Variants in COL23A1 observed in about 807,000 individuals in gnomAD.
COL23A1 encodes collagen alpha-1(XXIII) chain.
A neutral mutation model predicts 99.3 loss-of-function variants in COL23A1; 97 were observed. That is an observed-to-expected ratio of 0.98 (90% CI 0.83 to 1.16). COL23A1 has a LOEUF of 1.16. Among genes scored for constraint, COL23A1 ranks in the 50% most tolerant of loss-of-function variants. The pLI, the probability that COL23A1 is intolerant of heterozygous loss-of-function variation, is 0.00. For missense variants in COL23A1, 762 were observed against 757.4 expected (o/e 1.01, Z -0.07); for synonymous variants, 320 against 308.2 (o/e 1.04, Z -0.40).
chr5:178,358,615 A>G (rs984040161), intron 2 of COL23A1, among the ~76,000 whole-genome samples: 17 of 107,562 alleles, frequency 1.6e-4, no homozygotes, highest in Admixed American at 2.0e-4. Context: ...GTATGCGTGT[A>G]TGTATGTGTG....
intron 2 of COL23A1, among the ~76,000 whole-genome samples, chr5:178,324,485 C>T (rs1179607976): frequency 6.6e-6 from 1 of 152,104 alleles, no homozygotes; most frequent in African/African-American, 2.4e-5. Flanking sequence ...CTACAATGAC[C>T]ACGACCGCTG....
chr5:178,506,978 C>T (rs563769634), intron 2 of COL23A1, among the ~76,000 whole-genome samples: 4 of 152,248 alleles, frequency 2.6e-5, no homozygotes, highest in Admixed American at 2.0e-4. Context: ...GATTTTTATT[C>T]GTTTTAGTTT....
chr5:178,502,627 G>A (rs1048300144), intron 2 of COL23A1, among the ~76,000 whole-genome samples: 1 of 152,170 alleles, frequency 6.6e-6, no homozygotes, highest in Non-Finnish European at 1.5e-5. Context: ...ATCAAGTGCT[G>A]GAGAGGATGT....
At chr5:178,241,257 G>T (rs1332884881) in intron 27 of COL23A1, among the ~76,000 whole-genome samples, 1 of 152,026 alleles carries the variant, frequency 6.6e-6, no homozygotes, top group Admixed American at 6.5e-5. Flanking sequence ...TTGAACTGTG[G>T]TTGTTTCAGG....
intron 2 of COL23A1, among the ~76,000 whole-genome samples, chr5:178,539,747 A>G (rs911015339): frequency 2.6e-5 from 4 of 152,186 alleles, no homozygotes; most frequent in Non-Finnish European, 4.4e-5. Flanking sequence ...TCCAGAGAAT[A>G]GAAATGGGGT....
chr5:178,286,949 G>A (rs1172058841), intron 5 of COL23A1, among the ~76,000 whole-genome samples: 62 of 152,228 alleles, frequency 4.1e-4, no homozygotes, highest in East Asian at 1.9e-4. Flanking sequence ...AGAGTAACCC[G>A]GGGTGAAGGG....
At chr5:178,323,096 G>A (rs1397305292) in intron 2 of COL23A1, among the ~76,000 whole-genome samples, 1 of 152,098 alleles carries the variant, frequency 6.6e-6, no homozygotes, top group Non-Finnish European at 1.5e-5. Context: ...TCGCAAGTGG[G>A]CAGGGGCCTG....
intron 2 of COL23A1, among the ~76,000 whole-genome samples, chr5:178,334,844 G>A (rs534722772): frequency 2.0e-5 from 3 of 152,318 alleles, no homozygotes; most frequent in East Asian, 3.9e-4. Context: ...AGATGACAGG[G>A]CCCAAAGAGG....
chr5:178,247,671 G>A (rs893736426), intron 21 of COL23A1, 104 bp downstream of exon 21: 7 of 1,548,796 alleles, frequency 4.5e-6, no homozygotes, highest in East Asian at 4.5e-5. Context: ...CTCCCTGAAC[G>A]AAGAAGCCCG....
chr5:178,268,712 G>A lies in COL23A1; in HGVS notation c.495+18C>T, dbSNP rs200139552. 4 of 1,602,606 alleles carry A rather than the reference G, an allele frequency of 2.5e-6. No homozygotes were observed. Among genetic ancestry groups the A allele is most frequent in the East Asian group, 4.5e-5 (2 of 44,514 alleles). ...TTCGCCTGCCTACCACATCTGCACA[G>A]CCTCTGGCATCACTTACCTTTTCCC... On this transcript the variant is annotated intron_variant, in intron 7 of 28. Transcript: ENST00000390654.
chr5:178,443,398 A>G (rs887046409), intron 2 of COL23A1, among the ~76,000 whole-genome samples: 1 of 152,214 alleles, frequency 6.6e-6, no homozygotes, highest in Non-Finnish European at 1.5e-5. Flanking sequence ...CAGAGTTTTC[A>G]AAAGTTACGA....
chr5:178,581,477 A>G (rs1344154489), intron 1 of COL23A1, among the ~76,000 whole-genome samples: 2 of 151,880 alleles, frequency 1.3e-5, no homozygotes, highest in African/African-American at 4.8e-5. Context: ...GAGGCAGGAG[A>G]ATCGCTTGAA....
chr5:178,474,894 C>T (rs973742768), intron 2 of COL23A1, among the ~76,000 whole-genome samples: 4 of 152,232 alleles, frequency 2.6e-5, no homozygotes, highest in Non-Finnish European at 4.4e-5. Context: ...TTCTGGAGGA[C>T]AGAAGTCCAA....
At chr5:178,257,501 G>A (rs918253081) in intron 13 of COL23A1, 22 bp downstream of exon 13, 3 of 1,564,624 alleles carry the variant, frequency 1.9e-6, no homozygotes, top group Non-Finnish European at 1.7e-6. Context: ...AGGGGGCCAC[G>A]AGAGGAGGGG....
intron 2 of COL23A1, among the ~76,000 whole-genome samples, chr5:178,539,774 T>C (rs922559498): frequency 6.6e-6 from 1 of 152,176 alleles, no homozygotes; most frequent in African/African-American, 2.4e-5. Context: ...TCCCAACTTG[T>C]TCTGAGACCA....
At chr5:178,518,618 G>T (rs1280461129) in intron 2 of COL23A1, among the ~76,000 whole-genome samples, 55 of 133,836 alleles carry the variant, frequency 4.1e-4, no homozygotes, top group Admixed American at 2.2e-3. Flanking sequence ...CATCTCAGAC[G>T]ATGGGCGGCC....
chr5:178,261,890 C>T lies in COL23A1; in HGVS notation c.676-142G>A, dbSNP rs995788495. On this transcript the variant is annotated intron_variant, in intron 10 of 28. Transcript: ENST00000390654. ...GGCTGCCGTCAGAAGCAGGCTGGAGCTGCCCACCCTGGGCCTGACTCCTCA... is the reference window on the plus strand; with the variant it reads ...GGCTGCCGTCAGAAGCAGGCTGGAGTTGCCCACCCTGGGCCTGACTCCTCA... The T allele has an allele frequency of 5.4e-6, 4 of 740,072 alleles. No individual in the cohort carries two copies. In the African/African-American group the frequency reaches 6.9e-5, roughly 13 times the overall value. The allele number at this position is 740,072 out of a possible 1,614,324, so 45.8% of individuals were successfully genotyped here.
intron 26 of COL23A1, 81 bp from the exon 27 acceptor site, chr5:178,242,209 G>T: frequency 6.8e-7 from 1 of 1,466,962 alleles, no homozygotes; most frequent in Non-Finnish European, 9.3e-7. Context: ...AGAAGCGCGT[G>T]GGGCCAGCCT....
At chr5:178,506,753 A>G (rs1382847724) in intron 2 of COL23A1, among the ~76,000 whole-genome samples, 2 of 152,268 alleles carry the variant, frequency 1.3e-5, no homozygotes, top group Non-Finnish European at 2.9e-5. Context: ...TCACATATGT[A>G]AATTTGTATA....
Sources: allele counts gnomAD v4.1 joint callset (sites outside exome capture counted in the v4.1 genomes callset), GRCh38; gene constraint gnomAD v4.1.1; transcripts MANE v1.5; gene names NCBI Gene and HGNC (gene_info 2026-07-23, HGNC 2026-07-21).